Variants in TEX2 observed in about 807,000 individuals in gnomAD.
TEX2 encodes the protein testis expressed 2, also known as testis-expressed protein 2.
Under a neutral mutation model 106.9 loss-of-function variants are expected in TEX2, and 53 were observed. That is an observed-to-expected ratio of 0.50 (90% confidence interval 0.40 to 0.62). The LOEUF is 0.62. Among genes scored for constraint, TEX2 ranks in the 20% least tolerant of loss-of-function variants. The probability of loss-of-function intolerance (pLI) is 0.00; values close to 1 mark genes in which losing one functional copy is unlikely to be tolerated. For synonymous variants in TEX2, 523 were observed against 534.8 expected, an observed-to-expected ratio of 0.98 and a Z score of 0.30; for missense variants, 1,207 against 1,379.0, an observed-to-expected ratio of 0.88 and a Z score of 1.98.
intron 1 of TEX2, among the ~76,000 whole-genome samples, chr17:64,240,892 C>T (rs980941873): frequency 3.4e-4 from 52 of 152,324 alleles, no homozygotes; most frequent in African/African-American, 1.2e-3. Context: ...ATAGGAATAA[C>T]TTCAGGGCTG....
chr17:64,213,468 G>A lies in TEX2; in HGVS notation c.750C>T (p.Phe250=). The A allele has an allele frequency of 6.2e-7, 1 of 1,614,182 alleles. No homozygotes were observed. ...CTCCACCTGTGTTTCGGGGCTGTGTGAACTGCTTGAACAGGTGTAAGTTCA... is the reference window on the plus strand; with the variant it reads ...CTCCACCTGTGTTTCGGGGCTGTGTAAACTGCTTGAACAGGTGTAAGTTCA... ...SKLNLHLFKQ[F]TQPRNTGGDS... The change falls in exon 2 of 12, where the codon TTC becomes TTT. Residue 250 remains phenylalanine, a synonymous_variant. Transcript: ENST00000584379. The surrounding 1 kb of genome is among the most constrained non-coding windows in gnomAD (Gnocchi z 4.4).
At position 64,212,636 on chromosome 17, in the gene TEX2, G is replaced by GT; in HGVS notation, c.1581dup (p.His528ThrfsTer18). ...GTGTTCCAGTGTCGCAGATTTTTGTGTAACTTGTGATATTTATGAGCACTT... is the reference window on the plus strand; with the variant it reads ...GTGTTCCAGTGTCGCAGATTTTTGTGTTAACTTGTGATATTTATGAGCACTT... On this transcript the variant is annotated frameshift_variant, in exon 2 of 12. Transcript: ENST00000584379. LOFTEE classifies it high-confidence loss of function. The GT allele has an allele frequency of 6.2e-7, 1 of 1,614,114 alleles. No homozygotes were observed. The highest frequency in any genetic ancestry group is 8.5e-7 in the Non-Finnish European group (1 of 1,179,990).
chr17:64,183,718 G>A lies in TEX2; in HGVS notation c.2424+4450C>T, dbSNP rs376729781. 5.7e-4 allele frequency among the ~76,000 whole-genome samples: 86 copies of A among 152,130 alleles called. No individual in the cohort carries two copies. In the South Asian group the frequency reaches 0.017, roughly 30 times the overall value. On this transcript the variant is annotated intron_variant, in intron 5 of 11. Coordinates refer to ENST00000584379, the MANE Select transcript of TEX2 (RefSeq NM_001288732.2). ...GTTAGGATTATAGGCGTGAGCCACC[G>A]CACCCGGCCAAGGATTCCAATTTCT...
chr17:64,235,149 A>G (rs905039602), intron 1 of TEX2, among the ~76,000 whole-genome samples: 1 of 152,194 alleles, frequency 6.6e-6, no homozygotes, highest in Non-Finnish European at 1.5e-5. Context: ...TTATAACACT[A>G]TCTCATCTAA....
chr17:64,244,901 C>T (rs2033958921), intron 1 of TEX2, among the ~76,000 whole-genome samples: 1 of 152,194 alleles, frequency 6.6e-6, no homozygotes, highest in Non-Finnish European at 1.5e-5. Context: ...TCTGTTTCTA[C>T]AAGCCACAGA....
At chr17:64,189,756 T>G (rs1192448603) in intron 4 of TEX2, among the ~76,000 whole-genome samples, 3 of 151,994 alleles carry the variant, frequency 2.0e-5, no homozygotes, top group African/African-American at 7.2e-5. Flanking sequence ...CCGAGACAGA[T>G]GAATCACTTC....
rs1175547121 is a variant in TEX2 at position 64,212,568 on chromosome 17, G to A, written c.1644+6C>T. 2 of 1,610,206 alleles carry A rather than the reference G, an allele frequency of 1.2e-6. No homozygotes were observed. Among genetic ancestry groups the A allele is most frequent in the Non-Finnish European group, 1.7e-6 (2 of 1,177,454 alleles). On this transcript the variant is annotated splice_donor_region_variant and intron_variant, in intron 2 of 11. Transcript: ENST00000584379. ...TGTACTAGCCAGCTCCCGGGGAGAGGCTTACCTTCAGTATTTCAGGTTCTT... is the reference window on the plus strand; with the variant it reads ...TGTACTAGCCAGCTCCCGGGGAGAGACTTACCTTCAGTATTTCAGGTTCTT...
intron 7 of TEX2, 58 bp from the exon 8 acceptor site, chr17:64,160,991 A>T: frequency 6.4e-7 from 1 of 1,572,210 alleles, no homozygotes; most frequent in East Asian, 2.2e-5. Flanking sequence ...ACATGACTAT[A>T]AATGACTTAC....
intron 3 of TEX2, 91 bp from the exon 4 acceptor site, chr17:64,193,980 G>C (rs2032385046): frequency 6.3e-6 from 5 of 798,418 alleles, no homozygotes; most frequent in Non-Finnish European, 8.7e-6. Context: ...AAACCTTATA[G>C]ACTTTTTGAC....
chr17:64,154,761 AG>A (rs1431966627), intron 9 of TEX2, 80 bp downstream of exon 9: 1 of 1,402,032 alleles, frequency 7.1e-7, no homozygotes, highest in Non-Finnish European at 9.4e-7. Flanking sequence ...TCACAGAGGA[AG>A]GAAGGGAAAC....
At chr17:64,170,948 A>T in intron 7 of TEX2, 152 bp downstream of exon 7, 1 of 651,958 alleles carries the variant, frequency 1.5e-6, no homozygotes, top group Non-Finnish European at 2.6e-6. Context: ...AATCAGTTTT[A>T]AGGCCATGAC....
intron 2 of TEX2, among the ~76,000 whole-genome samples, chr17:64,207,433 G>A (rs1458835359): frequency 6.6e-6 from 1 of 152,156 alleles, no homozygotes; most frequent in African/African-American, 2.4e-5. Flanking sequence ...CCATATTGGT[G>A]AGCTTTTTAA....
intron 1 of TEX2, among the ~76,000 whole-genome samples, chr17:64,251,176 G>A (rs1352367768): frequency 6.6e-6 from 1 of 152,160 alleles, no homozygotes; most frequent in Non-Finnish European, 1.5e-5. Flanking sequence ...TCCAGCACAT[G>A]GGGAATGAGC....
At chr17:64,222,433 G>A (rs180954142) in intron 1 of TEX2, among the ~76,000 whole-genome samples, 4 of 150,144 alleles carry the variant, frequency 2.7e-5, no homozygotes, top group Non-Finnish European at 4.4e-5. Flanking sequence ...GAGGAGAATC[G>A]CTTTAACCTG....
intron 1 of TEX2, among the ~76,000 whole-genome samples, chr17:64,215,717 G>A (rs2033166265): frequency 6.6e-6 from 1 of 152,178 alleles, no homozygotes; most frequent in South Asian, 2.1e-4. Flanking sequence ...ATGTTTACAG[G>A]TGACTGTATC....
In TEX2 at chr17:64,188,119, G is replaced by T. The variant is rs749334938; in HGVS notation, c.2424+49C>A. 1.3e-5 allele frequency: 20 copies of T among 1,579,652 alleles called. No individual in the cohort carries two copies. In the Admixed American group the frequency reaches 3.1e-4, roughly 24 times the overall value. On this transcript the variant is annotated intron_variant, in intron 5 of 11. Transcript: ENST00000584379. ...TCGGAGCACTTACGCATGAAGAAAT[G>T]TGTCTAAGTCGAAAAGTGAAAAAGG...
At chr17:64,188,450 G>A (rs1436494466) in intron 4 of TEX2, 35 bp from the exon 5 acceptor site, 2 of 1,597,650 alleles carry the variant, frequency 1.3e-6, no homozygotes, top group South Asian at 2.2e-5. Context: ...TTCACACAAT[G>A]AAGAAAACAA....
chr17:64,212,473 G>A lies in TEX2; in HGVS notation c.1644+101C>T, dbSNP rs1422144274. 13 of 1,134,570 alleles carry A rather than the reference G, an allele frequency of 1.1e-5. No individual in the cohort carries two copies. In the Admixed American group the frequency reaches 2.9e-4, roughly 25 times the overall value. The allele number at this position is 1,134,570 out of a possible 1,614,324, so 70.3% of individuals were successfully genotyped here. ...CCCAAGCTCTTAAAAAACACGGCCT[G>A]TGCAAAAATCTTTAACAGCTAACCA... On this transcript the variant is annotated intron_variant, in intron 2 of 11. Transcript: ENST00000584379.
chr17:64,161,094 G>GAC (rs2030864819), intron 7 of TEX2, among the ~76,000 whole-genome samples, 161 bp from the exon 8 acceptor site: 1 of 152,052 alleles, frequency 6.6e-6, no homozygotes, highest in Non-Finnish European at 1.5e-5. Context: ...TTGTGCCATC[G>GAC]ACACACACGA....
Sources: gnomAD v4.1 joint callset for allele counts (sites outside exome capture counted in the v4.1 genomes callset) on GRCh38, gnomAD v4.1.1 for gene constraint, Gnocchi (gnomAD v3.1) non-coding constraint, MANE v1.5 for transcripts, NCBI Gene and HGNC (gene_info 2026-07-23, HGNC 2026-07-21) for gene names.